The following MXI1 variants were observed in gnomAD, a reference collection of about 807,000 sequenced individuals.
MXI1 encodes the protein MAX interactor 1, dimerization protein.
MXI1 carries 18 observed loss-of-function variants against 36.9 expected under a neutral mutation model. That is an observed-to-expected ratio of 0.49 (90% CI 0.34 to 0.72). The LOEUF is 0.72. Ranked by LOEUF, MXI1 falls within the 30% of genes least tolerant of loss-of-function variation. The pLI is 0.01. For missense variants in MXI1, 304 were observed against 379.1 expected (o/e 0.80, Z 1.64); for synonymous variants, 160 against 146.7 (o/e 1.09, Z -0.65).
At chr10:110,271,473 A>C (rs752179786) in intron 3 of MXI1, among the ~76,000 whole-genome samples, 1 of 152,250 alleles carries the variant, frequency 6.6e-6, no homozygotes, top group Non-Finnish European at 1.5e-5. Context: ...GATTAGTATG[A>C]AATCAAGTAT....
intron 5 of MXI1, among the ~76,000 whole-genome samples, chr10:110,281,441 A>G (rs1280036805): frequency 1.3e-5 from 2 of 152,202 alleles, no homozygotes; most frequent in Non-Finnish European, 2.9e-5. Flanking sequence ...TACCATTGGT[A>G]TGTTTAAATC....
intron 3 of MXI1, among the ~76,000 whole-genome samples, chr10:110,264,076 AGT>A (rs34472977): frequency 4.6e-5 from 7 of 150,744 alleles, no homozygotes; most frequent in Admixed American, 6.6e-5. Context: ...ATAATTTAAA[AGT>A]GTGTGTGTGT....
At chr10:110,254,604 A>C (rs1249612860) in intron 3 of MXI1, among the ~76,000 whole-genome samples, 1 of 152,172 alleles carries the variant, frequency 6.6e-6, no homozygotes, top group African/African-American at 2.4e-5. Context: ...CAAATTGTGA[A>C]TGCAAAGGGA....
intron 3 of MXI1, among the ~76,000 whole-genome samples, chr10:110,259,802 C>T (rs1856444521): frequency 6.6e-6 from 1 of 151,914 alleles, no homozygotes; most frequent in Non-Finnish European, 1.5e-5. Context: ...GTGAAAGTCC[C>T]GTAAGTGTTA....
chr10:110,283,150 C>G (rs1406349755), intron 5 of MXI1, among the ~76,000 whole-genome samples: 2 of 152,138 alleles, frequency 1.3e-5, no homozygotes, highest in African/African-American at 4.8e-5. Context: ...GGACAGCTGC[C>G]TACATTTTAA....
chr10:110,244,990 A>G, intron 3 of MXI1, 133 bp downstream of exon 3: 1 of 782,920 alleles, frequency 1.3e-6, no homozygotes, highest in African/African-American at 1.8e-5. Flanking sequence ...TGTGAATCTG[A>G]TATATATGTA....
In MXI1 at chr10:110,222,074, G is replaced by A. The variant is rs183906761; in HGVS notation, c.275-6115G>A. On this transcript the variant is annotated intron_variant, in intron 1 of 5. Coordinates refer to ENST00000332674, the MANE Select transcript of MXI1 (RefSeq NM_130439.3). ...TAGGCAAGGCTGACTCACTGGGCGA[G>A]GGAAAGGTTTTCTGCTGTTCTTCAC... 3.3e-5 allele frequency among the ~76,000 whole-genome samples: 5 copies of A among 152,342 alleles called. No homozygotes were observed. In the East Asian group the frequency reaches 9.6e-4, roughly 29 times the overall value.
intron 2 of MXI1, 88 bp from the exon 3 acceptor site, chr10:110,244,740 T>C (rs756720199): frequency 1.5e-4 from 153 of 1,038,236 alleles, no homozygotes; most frequent in Non-Finnish European, 2.1e-4. Context: ...ATAAATTCAC[T>C]AGGTGTAGCA....
Position 110,228,240 on chromosome 10 carries a change from T to G in MXI1, c.326T>G (p.Leu109Arg). 6.2e-7 allele frequency: 1 copy of G among 1,614,108 alleles called. No individual in the cohort carries two copies. Among genetic ancestry groups the G allele is most frequent in the Non-Finnish European group, 8.5e-7 (1 of 1,179,988 alleles). Residue 109 changes from leucine to arginine, a missense_variant, in exon 2 of 6, where the codon CTG becomes CGG. Physicochemically the swap from Leu to Arg is moderately radical, Grantham distance 102 (BLOSUM62 -2). Coordinates refer to ENST00000332674, the MANE Select transcript of MXI1 (RefSeq NM_130439.3). ...SSFPSMPSPR[L>R]QHSKPPRRLS... is the part of the protein sequence containing the mutation. ...TTCCCGTCCATGCCGAGCCCCCGAC[T>G]GCAGCATTCAAAGCCCCCACGGAGG...
At chr10:110,210,447 A>C in intron 1 of MXI1, 1 of 292,174 alleles carries the variant, frequency 3.4e-6, no homozygotes, top group Non-Finnish European at 5.1e-6. Flanking sequence ...CGGCCCCCAG[A>C]TTTCCCCGAG....
chr10:110,211,591 T>C (rs568262084), intron 1 of MXI1, among the ~76,000 whole-genome samples: 1 of 152,364 alleles, frequency 6.6e-6, no homozygotes, highest in East Asian at 1.9e-4. Flanking sequence ...TTATTTTCCA[T>C]CGTAGCCAGA....
intron 2 of MXI1, among the ~76,000 whole-genome samples, chr10:110,243,404 C>CA (rs1204950835): frequency 6.6e-6 from 1 of 152,024 alleles, no homozygotes; most frequent in East Asian, 1.9e-4. Context: ...GACAGTAACT[C>CA]AAAGAAGTCT....
chr10:110,280,256 CTT>C (rs952832824), intron 5 of MXI1, among the ~76,000 whole-genome samples, 171 bp downstream of exon 5: 4 of 151,466 alleles, frequency 2.6e-5, no homozygotes, highest in African/African-American at 4.9e-5. Context: ...GACTATAAAA[CTT>C]TTTGTTTTTT....
chr10:110,219,927 T>C (rs1373259170), intron 1 of MXI1, among the ~76,000 whole-genome samples: 4 of 152,218 alleles, frequency 2.6e-5, no homozygotes, highest in Non-Finnish European at 4.4e-5. Context: ...TAGTTTGGAA[T>C]ATGGCAGGAT....
At chr10:110,277,364 T>A (rs1857071575) in intron 3 of MXI1, among the ~76,000 whole-genome samples, 1 of 152,142 alleles carries the variant, frequency 6.6e-6, no homozygotes, top group Non-Finnish European at 1.5e-5. Flanking sequence ...ATTATATGAG[T>A]GCAGTTGTTA....
chr10:110,222,583 T>C (rs1854844738), intron 1 of MXI1, among the ~76,000 whole-genome samples: 1 of 152,202 alleles, frequency 6.6e-6, no homozygotes, highest in African/African-American at 2.4e-5. Flanking sequence ...GCCTGGGGTA[T>C]TCTGGGGGAC....
intron 3 of MXI1, among the ~76,000 whole-genome samples, chr10:110,274,952 G>A (rs1856978385): frequency 7.1e-6 from 1 of 140,294 alleles, no homozygotes; most frequent in Non-Finnish European, 1.5e-5. Context: ...TCTGCTCACT[G>A]CAACCTCTGC....
Position 110,244,743 on chromosome 10 carries a change from G to A in MXI1, c.408-85G>A, listed in dbSNP as rs940447359. The A allele has an allele frequency of 1.1e-5, 12 of 1,101,858 alleles. No individual in the cohort carries two copies. The South Asian group carries it at 1.7e-4, about 16-fold the overall frequency. 68.3% of individuals were successfully genotyped at this position (1,101,858 alleles called of 1,614,324 possible). A position where few individuals can be genotyped will look rare whatever the true frequency, so the allele number is the denominator to read the frequency against. ...TTGCATTGTTAAATAAATTCACTAG[G>A]TGTAGCATAGCAGTAACTAATCTGT... On this transcript the variant is annotated intron_variant, in intron 2 of 5. Coordinates refer to ENST00000332674, the MANE Select transcript of MXI1 (RefSeq NM_130439.3).
chr10:110,273,237 T>C (rs531447628), intron 3 of MXI1, among the ~76,000 whole-genome samples: 3 of 151,766 alleles, frequency 2.0e-5, no homozygotes, highest in South Asian at 2.1e-4. Flanking sequence ...TTAGTAGAGA[T>C]GGGGTTTCAC....
Sources: gnomAD v4.1 joint callset for allele counts (sites outside exome capture counted in the v4.1 genomes callset) on GRCh38, gnomAD v4.1.1 for gene constraint, MANE v1.5 for transcripts, NCBI Gene and HGNC (gene_info 2026-07-23, HGNC 2026-07-21) for gene names.